MINDY4B: variants seen among roughly 807,000 people sequenced by gnomAD.
The protein encoded by MINDY4B is MINDY family member 4B, also known as inactive ubiquitin carboxyl-terminal hydrolase MINDY-4B.
In MINDY4B, 25 loss-of-function variants were observed where a neutral mutation model predicts 16.7. The ratio of observed to expected loss-of-function variants is 1.49; its 90% CI spans 1.09 to 2.09. The LOEUF (loss-of-function observed/expected upper bound fraction) is 2.09. Among genes scored for constraint, MINDY4B ranks in the 30% most tolerant of loss-of-function variants. The pLI is 0.00. For synonymous variants in MINDY4B, 132 were observed against 61.9 expected (o/e 2.13, Z -5.32); for missense variants, 327 against 168.4 (o/e 1.94, Z -5.21).
chr3:150,892,015 A>G (rs546749877), intron 5 of MINDY4B, among the ~76,000 whole-genome samples: 1 of 152,316 alleles, frequency 6.6e-6, no homozygotes, highest in South Asian at 2.1e-4. Flanking sequence ...TATGTGTTCC[A>G]TTTGAATTCC....
At chr3:150,897,625 G>A (rs1461969219) in intron 3 of MINDY4B, among the ~76,000 whole-genome samples, 4 of 152,172 alleles carry the variant, frequency 2.6e-5, no homozygotes, top group Non-Finnish European at 2.9e-5. Flanking sequence ...TTCTTCCTAT[G>A]TTGGCCCAGG....
At chr3:150,881,055 T>C (rs921813832) in intron 10 of MINDY4B, among the ~76,000 whole-genome samples, 7 of 152,182 alleles carry the variant, frequency 4.6e-5, no homozygotes, top group Non-Finnish European at 8.8e-5. Flanking sequence ...AGTATAGTCT[T>C]TCACATCCAC....
At chr3:150,890,486 A>T (rs1711769955) in intron 6 of MINDY4B, 101 bp from the exon 7 acceptor site, 1 of 495,158 alleles carries the variant, frequency 2.0e-6, no homozygotes, top group East Asian at 3.2e-5. Context: ...TTTTTGTTTC[A>T]TTGCATAATC....
At chr3:150,876,693 G>A (rs1431669274) in intron 10 of MINDY4B, among the ~76,000 whole-genome samples, 1 of 152,140 alleles carries the variant, frequency 6.6e-6, no homozygotes, top group Non-Finnish European at 1.5e-5. Flanking sequence ...ACGTAAAGGG[G>A]GAAGAAGGTA....
chr3:150,871,087 G>A lies in MINDY4B; in HGVS notation c.1341C>T (p.Ser447=), dbSNP rs1016817312. Reference sequence around the variant, plus strand: ...TCCCATTCCAGTTGATGGTGGCCTCGCTCCACTTGGTTCTGATTGCCATCT... The same window carrying A: ...TCCCATTCCAGTTGATGGTGGCCTCACTCCACTTGGTTCTGATTGCCATCT... The part of the protein sequence containing the change: ...PVEMAIRTKW[S]EATINWNGTV... The change falls in exon 12 of 12, where the codon AGC becomes AGT. Residue 447 remains serine, a synonymous_variant. Coordinates refer to ENST00000465419, the MANE Select transcript of MINDY4B (RefSeq NM_001351281.2). 4 of 702,828 alleles carry A rather than the reference G, an allele frequency of 5.7e-6. No homozygotes were observed. Among genetic ancestry groups the A allele is most frequent in the East Asian group, 2.7e-5 (1 of 37,282 alleles). The allele number at this position is 702,828 out of a possible 1,614,324, so 43.5% of individuals were successfully genotyped here. A position where few individuals can be genotyped will look rare whatever the true frequency, so the allele number is the denominator to read the frequency against.
chr3:150,872,506 T>G lies in MINDY4B; in HGVS notation c.1240+681A>C, dbSNP rs116443768. ...CGGGGGTCAATGTTTAAAGACATTT[T>G]AAGGTTGGTCTTTTTCCCTCAGGAG... On this transcript the variant is annotated intron_variant, in intron 11 of 11. Transcript: ENST00000465419. Among the ~76,000 whole-genome samples, 807 of 152,372 alleles carry G rather than the reference T, an allele frequency of 5.3e-3. 5 individuals carry two copies. The highest frequency in any genetic ancestry group is 0.015 in the Admixed American group (234 of 15,306).
At chr3:150,878,243 A>C (rs1711499701) in intron 10 of MINDY4B, among the ~76,000 whole-genome samples, 1 of 152,220 alleles carries the variant, frequency 6.6e-6, no homozygotes, top group African/African-American at 2.4e-5. Context: ...AATATACTTA[A>C]GCATATAAGT....
chr3:150,890,471 T>C, intron 6 of MINDY4B, 86 bp from the exon 7 acceptor site: 1 of 504,930 alleles, frequency 2.0e-6, no homozygotes, highest in Non-Finnish European at 3.5e-6. Context: ...TTACCACAAG[T>C]GGGTTTTTTG....
chr3:150,878,184 A>G (rs1322310317), intron 10 of MINDY4B, among the ~76,000 whole-genome samples: 1 of 152,258 alleles, frequency 6.6e-6, no homozygotes, highest in Admixed American at 6.5e-5. Context: ...CTATATGCAC[A>G]AGGTTATTAG....
chr3:150,873,031 G>A (rs1282708490), intron 11 of MINDY4B, among the ~76,000 whole-genome samples, 156 bp downstream of exon 11: 1 of 152,206 alleles, frequency 6.6e-6, no homozygotes, highest in South Asian at 2.1e-4. Flanking sequence ...CTTGGGTTTA[G>A]GGCCATGGGA....
In MINDY4B at chr3:150,883,729, G is replaced by A. The variant is rs1170911423; in HGVS notation, c.868C>T (p.Pro290Ser). The change falls in exon 9 of 12, where the codon CCA (proline) becomes TCA (serine). Residue 290 changes from proline to serine, a missense_variant. Coordinates refer to ENST00000465419, the MANE Select transcript of MINDY4B (RefSeq NM_001351281.2). ...CTGCACAGAAAGCCTCCAGCATTTG[G>A]TTGTAGCAGCTGAGTGGTGGTGACA... ...LDVTTTQLLQPNAGGFLCRQA... is the reference protein window; with the variant it reads ...LDVTTTQLLQSNAGGFLCRQA... The A allele has an allele frequency of 2.8e-6, 2 of 702,684 alleles. No homozygotes were observed. Among genetic ancestry groups the A allele is most frequent in the African/African-American group, 3.5e-5 (2 of 57,246 alleles). The allele number at this position is 702,684 out of a possible 1,614,324, so 43.5% of individuals were successfully genotyped here. A position where few individuals can be genotyped will look rare whatever the true frequency, so the allele number is the denominator to read the frequency against.
At chr3:150,888,578 T>C (rs1711690712) in intron 7 of MINDY4B, among the ~76,000 whole-genome samples, 1 of 152,120 alleles carries the variant, frequency 6.6e-6, no homozygotes, top group Non-Finnish European at 1.5e-5. Flanking sequence ...CTGGATGGGG[T>C]GCTGATCACA....
intron 5 of MINDY4B, among the ~76,000 whole-genome samples, chr3:150,892,121 C>T (rs1170171231): frequency 6.6e-6 from 1 of 152,206 alleles, no homozygotes; most frequent in Non-Finnish European, 1.5e-5. Context: ...ATTGAAGCCA[C>T]CTTGCCCAGA....
In MINDY4B at chr3:150,905,106, A is replaced by G; in HGVS notation, c.114-17T>C. ...GTTCCCAACCTTTAAATGAAAGAGA[A>G]AACATCAAGTAAATTACTCACTCTC... is the stretch of plus-strand genomic sequence containing the variant. On this transcript the variant is annotated splice_polypyrimidine_tract_variant and intron_variant, in intron 1 of 11. Transcript: ENST00000465419. 2.5e-6 allele frequency: 1 copy of G among 398,542 alleles called. No individual in the cohort carries two copies. The highest frequency in any genetic ancestry group is 4.4e-6 in the Non-Finnish European group (1 of 225,998). 24.7% of individuals were successfully genotyped at this position (398,542 alleles called of 1,614,324 possible). A position where few individuals can be genotyped will look rare whatever the true frequency, so the allele number is the denominator to read the frequency against.
At chr3:150,897,352 TG>T (rs2107909236) in intron 3 of MINDY4B, among the ~76,000 whole-genome samples, 1 of 151,732 alleles carries the variant, frequency 6.6e-6, no homozygotes, top group East Asian at 1.9e-4. Flanking sequence ...TGTGTGTGTG[TG>T]TGTGTGTGTG....
At chr3:150,876,120 G>A (rs1279463612) in intron 10 of MINDY4B, among the ~76,000 whole-genome samples, 1 of 152,174 alleles carries the variant, frequency 6.6e-6, no homozygotes, top group South Asian at 2.1e-4. Flanking sequence ...GTGATACAGT[G>A]GTGCTATAAA....
chr3:150,879,546 A>G (rs1328763717), intron 10 of MINDY4B, among the ~76,000 whole-genome samples: 1 of 152,208 alleles, frequency 6.6e-6, no homozygotes, highest in Non-Finnish European at 1.5e-5. Flanking sequence ...AGTTGCCCAG[A>G]TGCTTCCCAG....
chr3:150,903,468 C>A (rs1055693362), intron 2 of MINDY4B, 52 bp from the exon 3 acceptor site: 31 of 398,154 alleles, frequency 7.8e-5, no homozygotes, highest in Non-Finnish European at 1.2e-4. Context: ...CTGGTGATGA[C>A]CTTGTTTTAA....
At chr3:150,871,598 C>T (rs979902214) in intron 11 of MINDY4B, among the ~76,000 whole-genome samples, 4 of 151,482 alleles carry the variant, frequency 2.6e-5, no homozygotes, top group African/African-American at 9.7e-5. Context: ...CCTATGGTCC[C>T]AGTACTTTGG....
Sources: gnomAD v4.1 joint callset for allele counts (sites outside exome capture counted in the v4.1 genomes callset) on GRCh38, gnomAD v4.1.1 for gene constraint, MANE v1.5 for transcripts, NCBI Gene and HGNC (gene_info 2026-07-23, HGNC 2026-07-21) for gene names.